PIR: variants seen among roughly 807,000 people sequenced by gnomAD.
The protein encoded by PIR is pirin (iron-binding nuclear protein).
A neutral mutation model predicts 24.2 loss-of-function variants in PIR; 22 were observed. That is an observed-to-expected ratio of 0.91 (90% confidence interval 0.65 to 1.30). The LOEUF (loss-of-function observed/expected upper bound fraction) is 1.30, where lower values mean the gene tolerates loss of function less well. Ranked by LOEUF, PIR falls within the 50% of genes most tolerant of loss-of-function variation. The pLI is 0.00. For synonymous variants in PIR, 80 were observed against 79.6 expected (o/e 1.00, Z -0.03); for missense variants, 220 against 220.3 (o/e 1.00, Z 0.01).
Position 15,385,123 on chromosome X carries a change from C to CAGA in PIR, c.761-10_761-8dup. On this transcript the variant is annotated splice_polypyrimidine_tract_variant and splice_region_variant and intron_variant, in intron 9 of 9. Coordinates refer to ENST00000380420, the MANE Select transcript of PIR (RefSeq NM_001018109.3). ...GTGTTCATCACAAATGGACCTAGGG[C>CAGA]AGAAAGAGACATTCAGAAAGTTCTG... The CAGA allele has an allele frequency of 2.1e-6, 2 of 975,389 alleles. No homozygotes were observed. The highest frequency in any genetic ancestry group is 2.9e-6 in the Non-Finnish European group (2 of 690,361). The allele number at this position is 975,389 out of a possible 1,213,427, so 80.4% of individuals were successfully genotyped here.
chrX:15,451,784 T>C (rs1354109532), intron 5 of PIR, among the ~76,000 whole-genome samples: 1 of 112,374 alleles, frequency 8.9e-6, no homozygotes, highest in Admixed American at 9.4e-5. Flanking sequence ...ATCCAACACA[T>C]GAATATACAG....
At chrX:15,476,980 T>C (rs776099222) in intron 3 of PIR, among the ~76,000 whole-genome samples, 2 of 111,688 alleles carry the variant, frequency 1.8e-5, no homozygotes, top group Non-Finnish European at 3.8e-5. Flanking sequence ...AATACTAAGC[T>C]AACAAAAAGA....
chrX:15,395,548 T>C (rs1228310578), intron 8 of PIR, among the ~76,000 whole-genome samples: 2 of 112,275 alleles, frequency 1.8e-5, no homozygotes, highest in African/African-American at 3.2e-5. Flanking sequence ...GGAGTAGACT[T>C]GTAATATACG....
intron 2 of PIR, among the ~76,000 whole-genome samples, chrX:15,489,382 A>G (rs1923041858): frequency 1.8e-5 from 2 of 112,411 alleles, no homozygotes; most frequent in Admixed American, 1.9e-4. Context: ...TTCAGAAGAA[A>G]TTGATAGGTT....
chrX:15,389,030 A>G lies in PIR; in HGVS notation c.760+1155T>C, dbSNP rs746884131. Among the ~76,000 whole-genome samples the G allele has an allele frequency of 5.4e-5, 6 of 111,433 alleles. No individual in the cohort carries two copies. In the South Asian group the frequency reaches 2.3e-3, roughly 42 times the overall value. On this transcript the variant is annotated intron_variant, in intron 9 of 9. Transcript: ENST00000380420. Reference sequence around the variant, plus strand: ...ACCCCAGTGTAGGGTGGCTTTGAGCAGTCCCACTCCTTTGATCTGTCACCT... The same window carrying G: ...ACCCCAGTGTAGGGTGGCTTTGAGCGGTCCCACTCCTTTGATCTGTCACCT...
At chrX:15,419,050 C>G (rs1011234325) in intron 6 of PIR, among the ~76,000 whole-genome samples, 1 of 108,799 alleles carries the variant, frequency 9.2e-6, no homozygotes, top group Non-Finnish European at 1.9e-5. Context: ...ATATTTGATA[C>G]AACAAAGCAC....
chrX:15,487,361 G>A (rs1396293808), intron 2 of PIR, among the ~76,000 whole-genome samples: 1 of 110,596 alleles, frequency 9.0e-6, no homozygotes, highest in Non-Finnish European at 1.9e-5. Context: ...TTATCTTTTA[G>A]AGATACAAAT....
chrX:15,425,869 T>C (rs779792525), intron 6 of PIR, 37 bp downstream of exon 6: 16 of 812,855 alleles, frequency 2.0e-5, no homozygotes, highest in Middle Eastern at 5.8e-4. Flanking sequence ...CTTTTTTTTT[T>C]CCTGACGTGA....
At chrX:15,411,268 AT>A (rs764258319) in intron 6 of PIR, among the ~76,000 whole-genome samples, 3 of 111,626 alleles carry the variant, frequency 2.7e-5, no homozygotes, top group Admixed American at 9.5e-5. Context: ...TCAGCAACGC[AT>A]TTTAAGTCAG....
chrX:15,430,444 A>G (rs928055447), intron 5 of PIR, among the ~76,000 whole-genome samples: 1 of 111,925 alleles, frequency 8.9e-6, no homozygotes, highest in African/African-American at 3.3e-5. Context: ...TAAGTAATTC[A>G]ATTCTTCATA....
intron 7 of PIR, among the ~76,000 whole-genome samples, chrX:15,403,227 A>C (rs966912613): frequency 3.6e-5 from 4 of 112,252 alleles, no homozygotes; most frequent in Non-Finnish European, 7.5e-5. Flanking sequence ...ACCAGAGCAC[A>C]GAAGTTTGTG....
At chrX:15,452,661 T>C (rs1920978886) in intron 5 of PIR, among the ~76,000 whole-genome samples, 1 of 112,080 alleles carries the variant, frequency 8.9e-6, no homozygotes, top group Non-Finnish European at 1.9e-5. Context: ...TTTCTCAAGA[T>C]GGGTAAACTC....
intron 5 of PIR, among the ~76,000 whole-genome samples, chrX:15,439,829 C>T (rs1925858052): frequency 8.9e-6 from 1 of 111,822 alleles, no homozygotes; most frequent in African/African-American, 3.3e-5. Flanking sequence ...CCTTTCAGTC[C>T]CTCATACTGT....
At chrX:15,491,631 A>G (rs1923168253) in intron 1 of PIR, among the ~76,000 whole-genome samples, 2 of 112,243 alleles carry the variant, frequency 1.8e-5, no homozygotes, top group Admixed American at 1.9e-4. Context: ...CACAGTCAAC[A>G]ATATATGGAC....
chrX:15,426,146 C>A (rs1925311024), intron 5 of PIR, among the ~76,000 whole-genome samples, 156 bp from the exon 6 acceptor site: 4 of 111,602 alleles, frequency 3.6e-5, no homozygotes, highest in Admixed American at 9.5e-5. Context: ...CTAAAACAGC[C>A]CCTCTTAAAG....
At chrX:15,466,677 T>C (rs1182690370) in intron 3 of PIR, among the ~76,000 whole-genome samples, 2 of 111,851 alleles carry the variant, frequency 1.8e-5, no homozygotes, top group Admixed American at 9.4e-5. Flanking sequence ...TAACAGGTGA[T>C]GGGTAAGTCC....
intron 9 of PIR, among the ~76,000 whole-genome samples, chrX:15,387,386 C>A (rs762172697): frequency 1.8e-5 from 2 of 109,731 alleles, no homozygotes; most frequent in Admixed American, 9.8e-5. Context: ...CATGAGCCAC[C>A]GCGCCCGGCC....
intron 5 of PIR, among the ~76,000 whole-genome samples, chrX:15,446,150 C>A (rs191238349): frequency 2.6e-3 from 287 of 111,585 alleles, no homozygotes; most frequent in African/African-American, 8.0e-3. Context: ...TTTCTAAAAA[C>A]AAAAGAGAAT....
At position 15,491,244 on chromosome X, in the gene PIR, T is replaced by C; in HGVS notation, c.14A>G (p.Lys5Arg). 8.4e-7 allele frequency: 1 copy of C among 1,195,528 alleles called. No homozygotes were observed. Among genetic ancestry groups the C allele is most frequent in the Non-Finnish European group, 1.1e-6 (1 of 882,532 alleles). Residue 5 changes from lysine to arginine, a missense_variant, in exon 2 of 10, where the codon AAG becomes AGG. By Grantham distance (26) the Lys-to-Arg change is conservative. Transcript: ENST00000380420. MGSS[K>R]KVTLSVLSRE... The stretch of plus-strand genomic sequence containing the variant: ...GCTGAGCACTGAGAGAGTAACTTTC[T>C]TGGAGGACCCCATATCGGAGTCTAA...
Sources: gnomAD v4.1 joint callset for allele counts (sites outside exome capture counted in the v4.1 genomes callset) on GRCh38, gnomAD v4.1.1 for gene constraint, MANE v1.5 for transcripts, NCBI Gene and HGNC (gene_info 2026-07-23, HGNC 2026-07-21) for gene names.